Variants in ME1 observed in about 807,000 individuals in gnomAD.
ME1 encodes the protein NADP-dependent malic enzyme.
Under a neutral mutation model 66.4 loss-of-function variants are expected in ME1, and 74 were observed. The observed-to-expected ratio is 1.11, with a 90% CI of 0.92 to 1.35. The LOEUF (loss-of-function observed/expected upper bound fraction) is 1.35. ME1 is among the 40% of genes most tolerant of loss of function. The pLI, the probability that ME1 is intolerant of heterozygous loss-of-function variation, is 0.00. For missense variants in ME1, 750 were observed against 694.1 expected (o/e 1.08, Z -0.90); for synonymous variants, 251 against 235.6 (o/e 1.07, Z -0.60).
At chr6:83,286,110 T>C (rs1336922835) in intron 6 of ME1, among the ~76,000 whole-genome samples, 1 of 152,188 alleles carries the variant, frequency 6.6e-6, no homozygotes, top group East Asian at 1.9e-4. Flanking sequence ...TGTCGTGCAC[T>C]GATTAAAAGT....
intron 6 of ME1, among the ~76,000 whole-genome samples, chr6:83,282,090 A>G (rs1360732407): frequency 6.6e-6 from 1 of 151,986 alleles, no homozygotes; most frequent in African/African-American, 2.4e-5. Context: ...CTTGATGACT[A>G]GTCTTTTGAA....
chr6:83,382,436 G>A (rs1330024760), intron 3 of ME1, among the ~76,000 whole-genome samples: 1 of 151,892 alleles, frequency 6.6e-6, no homozygotes, highest in African/African-American at 2.4e-5. Context: ...AGAATTGAAT[G>A]GTCAATAATA....
At chr6:83,233,866 A>G (rs976161227) in intron 9 of ME1, among the ~76,000 whole-genome samples, 1 of 152,086 alleles carries the variant, frequency 6.6e-6, no homozygotes, top group Non-Finnish European at 1.5e-5. Flanking sequence ...TTCTGCAACA[A>G]AAGTCAATAT....
At chr6:83,244,521 A>G (rs538591641) in intron 7 of ME1, among the ~76,000 whole-genome samples, 39 of 152,238 alleles carry the variant, frequency 2.6e-4, no homozygotes, top group Middle Eastern at 6.8e-3. Context: ...GATGGTGTTT[A>G]AAGATTTTAA....
At chr6:83,420,360 G>T (rs778729989) in intron 1 of ME1, among the ~76,000 whole-genome samples, 6 of 152,124 alleles carry the variant, frequency 3.9e-5, no homozygotes, top group Non-Finnish European at 8.8e-5. Context: ...AAGCCACTGC[G>T]CCCAGTCTGT....
intron 6 of ME1, among the ~76,000 whole-genome samples, chr6:83,282,170 A>T (rs1767309979): frequency 1.3e-5 from 2 of 152,318 alleles, no homozygotes; most frequent in Non-Finnish European, 2.9e-5. Context: ...TCTAGAAGAA[A>T]ACCTAGGCAA....
At position 83,430,902 on chromosome 6, in the gene ME1, A is replaced by G; in HGVS notation, c.53T>C (p.Leu18Pro). 2 of 1,603,382 alleles carry G rather than the reference A, an allele frequency of 1.2e-6. No homozygotes were observed. The highest frequency in any genetic ancestry group is 2.2e-5 in the South Asian group (2 of 89,776). ...CTTGTTGAGGTGAGGGTTCCGTGTC[A>G]GCAGGTAGCCGCGCTGATGGGTGTG... ...RRHTHQRGYL[L>P]TRNPHLNKDL... Residue 18 changes from leucine (L) to proline (P), a missense_variant, in exon 1 of 14, where the codon CTG becomes CCG. Transcript: ENST00000369705.
intron 12 of ME1, among the ~76,000 whole-genome samples, chr6:83,220,710 G>T (rs1790076522): frequency 1.3e-5 from 2 of 152,112 alleles, no homozygotes; most frequent in African/African-American, 4.8e-5. Flanking sequence ...GTGAACGTTT[G>T]TGGTATTGTA....
chr6:83,396,223 G>A (rs565626533), intron 3 of ME1, among the ~76,000 whole-genome samples: 1 of 152,048 alleles, frequency 6.6e-6, no homozygotes, highest in Non-Finnish European at 1.5e-5. Context: ...AATTAGCCAG[G>A]TATGGTGGTG....
chr6:83,272,023 T>C (rs1256236403), intron 6 of ME1, among the ~76,000 whole-genome samples: 1 of 152,198 alleles, frequency 6.6e-6, no homozygotes, highest in Non-Finnish European at 1.5e-5. Flanking sequence ...AATTATACTC[T>C]CTTAGTTATT....
intron 8 of ME1, 25 bp downstream of exon 8, chr6:83,239,514 C>T: frequency 6.8e-7 from 1 of 1,478,530 alleles, no homozygotes; most frequent in Non-Finnish European, 9.4e-7. Context: ...TTTAGGAGAA[C>T]ATAAGTATTA....
At chr6:83,242,194 C>T (rs1790521489) in intron 7 of ME1, among the ~76,000 whole-genome samples, 1 of 152,142 alleles carries the variant, frequency 6.6e-6, no homozygotes, top group Non-Finnish European at 1.5e-5. Context: ...GAGGACTTAA[C>T]ACTGTTAGCA....
intron 6 of ME1, among the ~76,000 whole-genome samples, chr6:83,310,812 A>G (rs903683461): frequency 1.3e-5 from 2 of 152,198 alleles, no homozygotes; most frequent in African/African-American, 4.8e-5. Flanking sequence ...TCCTTTGTAG[A>G]TACAAAGATG....
chr6:83,332,001 A>G (rs1482492678), intron 5 of ME1, among the ~76,000 whole-genome samples: 1 of 152,208 alleles, frequency 6.6e-6, no homozygotes, highest in Non-Finnish European at 1.5e-5. Flanking sequence ...AGATTTGGCA[A>G]CAGCAAAAAA....
intron 5 of ME1, among the ~76,000 whole-genome samples, chr6:83,323,410 T>C (rs1768219916): frequency 6.6e-6 from 1 of 151,798 alleles, no homozygotes; most frequent in African/African-American, 2.4e-5. Context: ...AGGAGACTTA[T>C]CTCACATGCA....
chr6:83,274,647 A>C (rs1441843676), intron 6 of ME1, among the ~76,000 whole-genome samples: 1 of 152,198 alleles, frequency 6.6e-6, no homozygotes, highest in African/African-American at 2.4e-5. Context: ...TACATCTAGA[A>C]GTGTTTATTT....
At chr6:83,249,552 T>A (rs1220970912) in intron 7 of ME1, among the ~76,000 whole-genome samples, 1 of 152,182 alleles carries the variant, frequency 6.6e-6, no homozygotes, top group Non-Finnish European at 1.5e-5. Flanking sequence ...AAAGTACCTT[T>A]CAGTTTATAG....
chr6:83,261,283 T>C (rs552417106), intron 6 of ME1, among the ~76,000 whole-genome samples: 1 of 152,304 alleles, frequency 6.6e-6, no homozygotes, highest in East Asian at 1.9e-4. Flanking sequence ...CTTCATGTTC[T>C]TTGCCTACTT....
rs370922689 is a variant in ME1 at position 83,346,482 on chromosome 6, G to A, written c.439-148C>T. On this transcript the variant is annotated intron_variant, in intron 4 of 13. Coordinates refer to ENST00000369705, the MANE Select transcript of ME1 (RefSeq NM_002395.6). ...ATTTATGAAAAAGATTTTATAAATT[G>A]TAATTGTGGAAGAATAGGGTGAAGA... 3.1e-4 allele frequency: 156 copies of A among 502,150 alleles called. 1 individual carries two copies. The highest frequency in any genetic ancestry group is 2.7e-3 in the African/African-American group (140 of 51,180). 31.1% of individuals were successfully genotyped at this position (502,150 alleles called of 1,614,324 possible).
Sources: gnomAD v4.1 joint callset for allele counts (sites outside exome capture counted in the v4.1 genomes callset) on GRCh38, gnomAD v4.1.1 for gene constraint, MANE v1.5 for transcripts, NCBI Gene and HGNC (gene_info 2026-07-23, HGNC 2026-07-21) for gene names.